The following POSTN variants were observed in gnomAD, a reference collection of about 807,000 sequenced individuals.
The protein encoded by POSTN is osteoblast specific factor 2 (fasciclin I-like).
POSTN carries 71 observed loss-of-function variants against 104.5 expected under a neutral mutation model. The ratio of observed to expected loss-of-function variants is 0.68; its 90% confidence interval spans 0.56 to 0.83. The LOEUF is 0.83. POSTN is among the 40% of genes least tolerant of loss of function. The pLI is 0.00. For missense variants in POSTN, 949 were observed against 1,006.8 expected (o/e 0.94, Z 0.78); for synonymous variants, 355 against 340.7 (o/e 1.04, Z -0.46).
At position 37,582,465 on chromosome 13, in the gene POSTN, A is replaced by T; in HGVS notation, c.1293T>A (p.Asn431Lys). 1 of 1,613,360 alleles carries T rather than the reference A, an allele frequency of 6.2e-7. No homozygotes were observed. The highest frequency in any genetic ancestry group is 8.5e-7 in the Non-Finnish European group (1 of 1,179,584). Residue 431 changes from asparagine (N) to lysine (K), a missense_variant, in exon 10 of 23, where the codon AAT (asparagine) becomes AAA (lysine). Transcript: ENST00000379747. ...GGCCAACTTTTACTTTCAATATGTG[A>T]TTCTGCAGAATTAATTTAAGGAGGC... ...DQRLLKLILQ[N>K]HILKVKVGLN...
At chr13:37,590,585 C>A in intron 3 of POSTN, 56 bp from the exon 4 acceptor site, 1 of 1,395,866 alleles carries the variant, frequency 7.2e-7, no homozygotes, top group South Asian at 1.7e-5. Flanking sequence ...GGATATTATT[C>A]ATAATCATTT....
In POSTN at chr13:37,569,368, G is replaced by T. The variant is rs1326618562; in HGVS notation, c.2363C>A (p.Thr788Asn). The change falls in exon 21 of 23, where the codon ACC (threonine) becomes AAC (asparagine). Residue 788 changes from threonine to asparagine, a missense_variant. By Grantham distance (65) the Thr-to-Asn change is moderately conservative (BLOSUM62 0). Transcript: ENST00000379747. ...KLLQEEVTKV[T>N]KFIEGGDGHL... is the part of the protein sequence containing the mutation. Reference sequence around the variant, plus strand: ...ACCATCACCACCTTCAATGAATTTGGTGACCTTGGTGACCTCTGAGAGGAT... The same window carrying T: ...ACCATCACCACCTTCAATGAATTTGTTGACCTTGGTGACCTCTGAGAGGAT... 6 of 1,611,834 alleles carry T rather than the reference G, an allele frequency of 3.7e-6. No individual in the cohort carries two copies. The highest frequency in any genetic ancestry group is 5.1e-6 in the Non-Finnish European group (6 of 1,178,462).
chr13:37,592,530 C>T (rs1196782398), intron 2 of POSTN, among the ~76,000 whole-genome samples: 1 of 152,198 alleles, frequency 6.6e-6, no homozygotes, highest in African/African-American at 2.4e-5. Flanking sequence ...AATTTCCTGA[C>T]CTCATGATCC....
At chr13:37,577,653 A>G in intron 16 of POSTN, 100 bp downstream of exon 16, 4 of 1,466,692 alleles carry the variant, frequency 2.7e-6, no homozygotes, top group Non-Finnish European at 3.6e-6. Context: ...TGGAATTCTA[A>G]ATACCAGATT....
chr13:37,581,265 G>A (rs1447923906), intron 10 of POSTN, among the ~76,000 whole-genome samples: 1 of 152,190 alleles, frequency 6.6e-6, no homozygotes, highest in African/African-American at 2.4e-5. Flanking sequence ...TGTAGCTGCA[G>A]GGAGCTGCTG....
At chr13:37,597,119 G>T in intron 2 of POSTN, 65 bp downstream of exon 2, 1 of 1,033,672 alleles carries the variant, frequency 9.7e-7, no homozygotes, top group Non-Finnish European at 1.4e-6. Flanking sequence ...ACACCCAGGG[G>T]AAGGCATATA....
chr13:37,589,177 A>G lies in POSTN; in HGVS notation c.442-1191T>C, dbSNP rs553248703. Among the ~76,000 whole-genome samples the G allele has an allele frequency of 2.0e-5, 3 of 152,294 alleles. No homozygotes were observed. The Middle Eastern group carries it at 0.01, about 518-fold the overall frequency. Reference sequence around the variant, plus strand: ...TATCCAAGGATAAATGCTAAGATAAACAATAGAAATATTCTACTGAGGTTC... The same window carrying G: ...TATCCAAGGATAAATGCTAAGATAAGCAATAGAAATATTCTACTGAGGTTC... On this transcript the variant is annotated intron_variant, in intron 4 of 22. Transcript: ENST00000379747.
At chr13:37,584,247 C>A in intron 8 of POSTN, 144 bp from the exon 9 acceptor site, 1 of 1,016,600 alleles carries the variant, frequency 9.8e-7, no homozygotes, top group Non-Finnish European at 1.4e-6. Flanking sequence ...CTCCTCCTCC[C>A]TAATAAGAGA....
intron 16 of POSTN, 23 bp downstream of exon 16, chr13:37,577,730 G>C (rs1048123562): frequency 6.2e-7 from 1 of 1,607,190 alleles, no homozygotes; most frequent in Admixed American, 1.7e-5. Flanking sequence ...CACCCAGGTG[G>C]CCAATATTTA....
chr13:37,578,691 C>G (rs1479105606), intron 15 of POSTN, among the ~76,000 whole-genome samples, 153 bp downstream of exon 15: 1 of 148,394 alleles, frequency 6.7e-6, no homozygotes, highest in Admixed American at 6.9e-5. Context: ...CCCAGCTACT[C>G]GGGAGGCTGA....
At chr13:37,579,657 C>T (rs1184972134) in intron 12 of POSTN, among the ~76,000 whole-genome samples, 1 of 152,096 alleles carries the variant, frequency 6.6e-6, no homozygotes, top group African/African-American at 2.4e-5. Flanking sequence ...AACATCTAGC[C>T]CAACAACATA....
chr13:37,594,197 A>G (rs1307023826), intron 2 of POSTN, among the ~76,000 whole-genome samples: 4 of 152,166 alleles, frequency 2.6e-5, no homozygotes, highest in Non-Finnish European at 5.9e-5. Context: ...CATATGTTGT[A>G]AACAATTTAA....
intron 1 of POSTN, among the ~76,000 whole-genome samples, chr13:37,598,065 T>C (rs1328686821): frequency 6.6e-6 from 1 of 152,192 alleles, no homozygotes; most frequent in Non-Finnish European, 1.5e-5. Flanking sequence ...GCATTAGTTC[T>C]ATAAAATATA....
chr13:37,597,240 C>T lies in POSTN; in HGVS notation c.162G>A (p.Lys54=). 1.3e-6 allele frequency: 2 copies of T among 1,584,980 alleles called. No homozygotes were observed. Among genetic ancestry groups the T allele is most frequent in the African/African-American group, 1.4e-5 (1 of 72,616 alleles). Reference sequence around the variant, plus strand: ...AGTTCTTACAAGTGCTGAAGTATTTCTTTTTGGTGCCCAAAATCTGTTGAA... The same window carrying T: ...AGTTCTTACAAGTGCTGAAGTATTTTTTTTTGGTGCCCAAAATCTGTTGAA... The part of the protein sequence containing the change: ...CALQQILGTK[K]KYFSTCKNWY... Residue 54 remains lysine, a synonymous_variant, in exon 2 of 23, where the codon AAG becomes AAA. Transcript: ENST00000379747.
Position 37,586,945 on chromosome 13 carries a change from A to G in POSTN, c.607-17T>C, listed in dbSNP as rs181894707. On this transcript the variant is annotated splice_polypyrimidine_tract_variant and intron_variant, in intron 5 of 22. Coordinates refer to ENST00000379747, the MANE Select transcript of POSTN (RefSeq NM_006475.3). ...AGTGACAACCTATAATTATTTGGAA[A>G]AATCAAAGTGCTGAAACCAGAGATA... The G allele has an allele frequency of 4.0e-4, 645 of 1,611,386 alleles. No homozygotes were observed. Among genetic ancestry groups the G allele is most frequent in the Non-Finnish European group, 4.7e-4 (554 of 1,178,860 alleles).
intron 22 of POSTN, among the ~76,000 whole-genome samples, chr13:37,563,848 T>C (rs1950000185): frequency 6.6e-6 from 1 of 152,000 alleles, no homozygotes; most frequent in Non-Finnish European, 1.5e-5. Context: ...GCTCTCTCAA[T>C]GTATTGGAAT....
chr13:37,578,684 A>G (rs1950485226), intron 15 of POSTN, among the ~76,000 whole-genome samples, 160 bp downstream of exon 15: 2 of 151,402 alleles, frequency 1.3e-5, no homozygotes. Context: ...CTGTAGTCCC[A>G]GCTACTCGGG....
chr13:37,563,518 G>A (rs1013389941), intron 22 of POSTN, 148 bp from the exon 23 acceptor site: 1 of 387,986 alleles, frequency 2.6e-6, no homozygotes, highest in East Asian at 3.9e-5. Context: ...TCAACTTATG[G>A]TGAAGCAAAT....
chr13:37,564,181 CATATATATATATATATATATATATATAT>C lies in POSTN; in HGVS notation c.2473+310_2473+337del, dbSNP rs71093693. 6.3e-3 allele frequency among the ~76,000 whole-genome samples: 312 copies of C among 49,866 alleles called. 7 individuals are homozygous for C. Among genetic ancestry groups the C allele is most frequent in the Middle Eastern group, 0.029 (2 of 68 alleles). 32.7% of individuals were successfully genotyped at this position (49,866 alleles called of 152,430 possible). A position where few individuals can be genotyped will look rare whatever the true frequency, so the allele number is the denominator to read the frequency against. ...GTATACTTGTATATACAAAACATTACATATATATATATATATATATATATATATATATATATATATATATATATGTATG... is the reference window on the plus strand; with the variant it reads ...GTATACTTGTATATACAAAACATTACATATATATATATATATATATGTATG... On this transcript the variant is annotated intron_variant, in intron 22 of 22. Coordinates refer to ENST00000379747, the MANE Select transcript of POSTN (RefSeq NM_006475.3).
Sources: allele counts gnomAD v4.1 joint callset (sites outside exome capture counted in the v4.1 genomes callset), GRCh38; gene constraint gnomAD v4.1.1; transcripts MANE v1.5; gene names NCBI Gene and HGNC (gene_info 2026-07-23, HGNC 2026-07-21).